Variants in NEB observed in about 807,000 individuals in gnomAD.
The protein encoded by NEB is nemaline myopathy type 2.
Under a neutral mutation model 952.2 loss-of-function variants are expected in NEB, and 512 were observed. That is an observed-to-expected ratio of 0.54 (90% CI 0.50 to 0.58). The LOEUF is 0.58. Among genes scored for constraint, NEB ranks in the 20% least tolerant of loss-of-function variants. The probability of loss-of-function intolerance (pLI) is 0.00; values close to 1 mark genes in which losing one functional copy is unlikely to be tolerated. For synonymous variants in NEB, 2,900 were observed against 3,149.8 expected (o/e 0.92, Z 2.66); for missense variants, 8,428 against 9,231.1 (o/e 0.91, Z 3.56).
At chr2:151,625,508 C>A in intron 71 of NEB, 26 bp downstream of exon 71, 1 of 1,513,146 alleles carries the variant, frequency 6.6e-7, no homozygotes, top group South Asian at 1.2e-5. Flanking sequence ...GTGGCCAGAC[C>A]AAAGAAATAA....
intron 161 of NEB, among the ~76,000 whole-genome samples, chr2:151,508,348 T>C (rs1438800927): frequency 6.6e-6 from 1 of 152,168 alleles, no homozygotes. Context: ...CCTATTGTCA[T>C]GGCAAAGCTG....
Position 151,547,539 on chromosome 2 carries a change from GA to G in NEB, c.20263-7del, listed in dbSNP as rs763008896. ...AAGTCTGATTTGTAGATCAACTAAAGAAAAAAAAATACCCCAAAACATATGT... is the reference window on the plus strand; with the variant it reads ...AAGTCTGATTTGTAGATCAACTAAAGAAAAAAAATACCCCAAAACATATGT... On this transcript the variant is annotated splice_region_variant and splice_polypyrimidine_tract_variant and intron_variant, in intron 132 of 181. Transcript: ENST00000397345. The G allele has an allele frequency of 7.2e-5, 114 of 1,581,820 alleles. No individual in the cohort carries two copies. Among genetic ancestry groups the G allele is most frequent in the South Asian group, 2.5e-4 (22 of 88,292 alleles).
chr2:151,513,303 C>T (rs1020332400), intron 160 of NEB, among the ~76,000 whole-genome samples: 65 of 152,160 alleles, frequency 4.3e-4, no homozygotes, highest in African/African-American at 1.5e-3. Context: ...GCCAAGATGT[C>T]GAGTTTGCCC....
intron 27 of NEB, among the ~76,000 whole-genome samples, chr2:151,686,090 G>A (rs186482561): frequency 2.1e-3 from 318 of 152,218 alleles, no homozygotes; most frequent in Middle Eastern, 6.8e-3. Flanking sequence ...GTTTGTCTTC[G>A]TTAGAAATAA....
chr2:151,568,419 T>TAAAAA lies in NEB; in HGVS notation c.17635-7_17635-3dup. 1 of 1,478,636 alleles carries TAAAAA rather than the reference T, an allele frequency of 6.8e-7. No homozygotes were observed. Among genetic ancestry groups the TAAAAA allele is most frequent in the South Asian group, 1.2e-5 (1 of 86,236 alleles). The allele number at this position is 1,478,636 out of a possible 1,614,324, so 91.6% of individuals were successfully genotyped here. ...ATTCCAGTCTTTCCGGTATTTAATC[T>TAAAAA]AAAAAAAAAAAAATGAGAGGCAAGG... On this transcript the variant is annotated splice_region_variant and splice_polypyrimidine_tract_variant and intron_variant, in intron 111 of 181. Coordinates refer to ENST00000397345, the MANE Select transcript of NEB (RefSeq NM_001164508.2).
At chr2:151,501,157 T>A (rs1425260583) in intron 168 of NEB, among the ~76,000 whole-genome samples, 1 of 151,920 alleles carries the variant, frequency 6.6e-6, no homozygotes, top group Non-Finnish European at 1.5e-5. Context: ...CCCAACAACA[T>A]AAAGATGAAA....
intron 114 of NEB, 52 bp from the exon 115 acceptor site, chr2:151,565,872 C>T: frequency 1.6e-6 from 2 of 1,258,694 alleles, no homozygotes; most frequent in Middle Eastern, 2.0e-4. Flanking sequence ...GAGACACAGG[C>T]TTACAGAGGG....
intron 76 of NEB, among the ~76,000 whole-genome samples, chr2:151,615,103 T>C (rs537118920): frequency 6.6e-6 from 1 of 152,284 alleles, no homozygotes; most frequent in East Asian, 1.9e-4. Flanking sequence ...TCACTGAACT[T>C]TCACTATGAG....
intron 52 of NEB, among the ~76,000 whole-genome samples, chr2:151,653,067 T>C (rs1347165483): frequency 1.3e-5 from 2 of 152,184 alleles, no homozygotes; most frequent in African/African-American, 4.8e-5. Context: ...AATCTTCCCC[T>C]ATATTCTTAG....
Position 151,560,664 on chromosome 2 carries a change from G to A in NEB, c.19242C>T (p.Ala6414=), listed in dbSNP as rs773178453. ...LYKEAWDRVK[A]TSYILPSSTL... is the part of the protein sequence containing the mutation. ...TGCTGGAAGGCAGGATGTAGCTGGT[G>A]GCTTTCACTCTATCCCAGGCCTCCT... is the stretch of plus-strand genomic sequence containing the variant. The change falls in exon 124 of 182, where the codon GCC becomes GCT. Residue 6414 remains alanine (A), a synonymous_variant. Transcript: ENST00000397345. The A allele has an allele frequency of 3.7e-6, 6 of 1,612,082 alleles. No individual in the cohort carries two copies. The Admixed American group carries it at 5.0e-5, about 13-fold the overall frequency.
chr2:151,494,104 CA>C (rs2058547225), intron 174 of NEB, 56 bp downstream of exon 174: 1 of 1,427,902 alleles, frequency 7.0e-7, no homozygotes, highest in African/African-American at 1.4e-5. Context: ...AGGAGCAGGC[CA>C]AACTGCAAGA....
intron 66 of NEB, 135 bp from the exon 67 acceptor site, chr2:151,630,954 T>G: frequency 8.8e-7 from 1 of 1,136,414 alleles, no homozygotes; most frequent in Non-Finnish European, 1.2e-6. Flanking sequence ...ACTGGAAGTG[T>G]GAGTCTTATT....
intron 173 of NEB, among the ~76,000 whole-genome samples, chr2:151,494,554 A>G (rs1326019780): frequency 6.6e-6 from 1 of 152,152 alleles, no homozygotes; most frequent in Non-Finnish European, 1.5e-5. Context: ...CCCCTGAGAG[A>G]TGATCCAAAC....
intron 48 of NEB, 130 bp from the exon 49 acceptor site, chr2:151,656,594 T>G: frequency 3.0e-5 from 12 of 400,138 alleles, no homozygotes; most frequent in Middle Eastern, 7.9e-4. Flanking sequence ...TAGAGCTCTA[T>G]AGTTCACAGA....
At chr2:151,601,044 T>C (rs1422220495) in intron 88 of NEB, among the ~76,000 whole-genome samples, 2 of 100,512 alleles carry the variant, frequency 2.0e-5, no homozygotes, top group Non-Finnish European at 3.8e-5. Context: ...CCAGTTGTAC[T>C]TCTTATTACT....
At chr2:151,626,655 G>C (rs1049162960) in intron 70 of NEB, among the ~76,000 whole-genome samples, 1 of 151,656 alleles carries the variant, frequency 6.6e-6, no homozygotes, top group Non-Finnish European at 1.5e-5. Context: ...TCCTGCCTCA[G>C]CCTCTTGAGT....
chr2:151,562,838 AG>A (rs960373085), intron 119 of NEB, 30 bp from the exon 120 acceptor site: 18 of 1,464,720 alleles, frequency 1.2e-5, no homozygotes, highest in Admixed American at 2.0e-5. Context: ...AAAATAAGAA[AG>A]GGGTTTAAAT....
chr2:151,694,300 G>C (rs1375813019), intron 20 of NEB, 23 bp downstream of exon 20: 1 of 1,585,392 alleles, frequency 6.3e-7, no homozygotes, highest in Non-Finnish European at 8.7e-7. Context: ...CTGAAAATAG[G>C]GGTGAATTAC....
At chr2:151,504,256 C>T (rs1436089971) in intron 165 of NEB, among the ~76,000 whole-genome samples, 2 of 152,090 alleles carry the variant, frequency 1.3e-5, no homozygotes, top group South Asian at 2.1e-4. Context: ...ACAAGCTAGG[C>T]GTGATAGCTT....
Sources: gnomAD v4.1 joint callset for allele counts (sites outside exome capture counted in the v4.1 genomes callset) on GRCh38, gnomAD v4.1.1 for gene constraint, MANE v1.5 for transcripts, NCBI Gene and HGNC (gene_info 2026-07-23, HGNC 2026-07-21) for gene names.